Variants in LPP observed in about 807,000 individuals in gnomAD.
The protein encoded by LPP is LIM domain containing preferred translocation partner in lipoma, also known as lipoma-preferred partner.
LPP carries 38 observed loss-of-function variants against 60.4 expected under a neutral mutation model. That is an observed-to-expected ratio of 0.63 (90% CI 0.49 to 0.83). LPP has a LOEUF of 0.83. LPP is among the 40% of genes least tolerant of loss of function. LPP has a pLI of 0.00. For synonymous variants in LPP, 328 were observed against 290.8 expected (o/e 1.13, Z -1.30); for missense variants, 902 against 783.6 (o/e 1.15, Z -1.80).
chr3:188,672,754 C>T (rs6781944), intron 7 of LPP, among the ~76,000 whole-genome samples: 11,588 of 152,226 alleles, frequency 0.076, 1,026 homozygotes, highest in African/African-American at 0.21. Context: ...GTTCCCTTCT[C>T]TCCACTGCTT....
intron 4 of LPP, among the ~76,000 whole-genome samples, chr3:188,441,556 C>G (rs1578914337): frequency 6.6e-6 from 1 of 150,722 alleles, no homozygotes; most frequent in Non-Finnish European, 1.5e-5. Context: ...CTCAAATCCC[C>G]CTAAAGTTTT....
At chr3:188,635,183 G>C (rs1202054416) in intron 7 of LPP, among the ~76,000 whole-genome samples, 2 of 152,128 alleles carry the variant, frequency 1.3e-5, no homozygotes, top group African/African-American at 4.8e-5. Context: ...TAGACATTTA[G>C]GAGAACGATT....
intron 4 of LPP, among the ~76,000 whole-genome samples, chr3:188,417,628 A>G (rs890353905): frequency 1.3e-5 from 2 of 152,182 alleles, no homozygotes; most frequent in African/African-American, 4.8e-5. Flanking sequence ...AAATAGCTCC[A>G]GGAAGTTAGG....
intron 9 of LPP, among the ~76,000 whole-genome samples, chr3:188,807,168 C>T (rs1749413978): frequency 6.6e-6 from 1 of 151,838 alleles, no homozygotes; most frequent in Non-Finnish European, 1.5e-5. Context: ...TCATTGTTTT[C>T]TCACTTGCAT....
At chr3:188,238,942 A>AT (rs1722861857) in intron 2 of LPP, among the ~76,000 whole-genome samples, 1 of 152,262 alleles carries the variant, frequency 6.6e-6, no homozygotes, top group African/African-American at 2.4e-5. Context: ...CAATAAAACA[A>AT]GATATGCCTT....
chr3:188,490,747 TGGAA>T (rs1808090683), intron 5 of LPP, among the ~76,000 whole-genome samples: 1 of 130,888 alleles, frequency 7.6e-6, no homozygotes, highest in Non-Finnish European at 1.6e-5. Context: ...AAACTGGCAC[TGGAA>T]TTTTTTTTTT....
intron 7 of LPP, among the ~76,000 whole-genome samples, chr3:188,684,400 A>G (rs1860203427): frequency 6.6e-6 from 1 of 152,218 alleles, no homozygotes; most frequent in Admixed American, 6.5e-5. Flanking sequence ...ATTATGAAAC[A>G]CCTATGTTCA....
intron 9 of LPP, among the ~76,000 whole-genome samples, chr3:188,834,160 TTGTC>T (rs1396985502): frequency 6.6e-6 from 1 of 152,072 alleles, no homozygotes; most frequent in Non-Finnish European, 1.5e-5. Flanking sequence ...ATGTTTTCCT[TTGTC>T]TGTGCACACT....
At chr3:188,691,720 T>TAGC (rs1383376548) in intron 7 of LPP, among the ~76,000 whole-genome samples, 1 of 152,242 alleles carries the variant, frequency 6.6e-6, no homozygotes, top group Non-Finnish European at 1.5e-5. Context: ...CATAGAACTC[T>TAGC]AGCAGCCAGG....
intron 9 of LPP, among the ~76,000 whole-genome samples, chr3:188,843,912 C>G (rs1387966231): frequency 1.3e-5 from 2 of 151,858 alleles, no homozygotes; most frequent in Non-Finnish European, 2.9e-5. Context: ...TTCTGGTCCT[C>G]TTCCTCTCTC....
chr3:188,434,056 A>G (rs915048963), intron 4 of LPP, among the ~76,000 whole-genome samples: 4 of 152,174 alleles, frequency 2.6e-5, no homozygotes, highest in African/African-American at 7.2e-5. Flanking sequence ...GAGAAGTAAT[A>G]GGAAGACGAA....
intron 6 of LPP, among the ~76,000 whole-genome samples, chr3:188,530,392 G>C (rs1419809339): frequency 6.6e-6 from 1 of 152,226 alleles, no homozygotes; most frequent in African/African-American, 2.4e-5. Flanking sequence ...AAATGTGTTT[G>C]TCAGGGAGTA....
chr3:188,759,450 T>C (rs1731416261), intron 8 of LPP: 1 of 152,304 alleles, frequency 6.6e-6, no homozygotes, highest in African/African-American at 2.4e-5. Context: ...TTAAAGGATG[T>C]CAAGTCCAAG....
chr3:188,627,860 C>A (rs1164427826), intron 7 of LPP, among the ~76,000 whole-genome samples: 1 of 152,056 alleles, frequency 6.6e-6, no homozygotes, highest in Non-Finnish European at 1.5e-5. Context: ...ACTACACACC[C>A]ATTCATAAAG....
At chr3:188,873,444 A>G (rs1165612565) in intron 11 of LPP, among the ~76,000 whole-genome samples, 1 of 152,182 alleles carries the variant, frequency 6.6e-6, no homozygotes, top group Non-Finnish European at 1.5e-5. Context: ...ATGAAGTACT[A>G]TGTATTTATT....
At chr3:188,173,538 C>G (rs998021203) in intron 1 of LPP, among the ~76,000 whole-genome samples, 1 of 151,578 alleles carries the variant, frequency 6.6e-6, no homozygotes, top group African/African-American at 2.4e-5. Flanking sequence ...ACAAAAAAAA[C>G]CAACCTGGGC....
At position 188,554,538 on chromosome 3, in the gene LPP, C is replaced by T. The variant is rs867922480; in HGVS notation, c.429+29751C>T. Among the ~76,000 whole-genome samples, 51 of 152,284 alleles carry T rather than the reference C, an allele frequency of 3.3e-4. No individual in the cohort carries two copies. In the Middle Eastern group the frequency reaches 0.01, roughly 30 times the overall value. ...GTTTGTCTGAAGGTTTGCAGCAGATCAGTGGCTCTGCCAAGCCTGCAACTA... is the reference window on the plus strand; with the variant it reads ...GTTTGTCTGAAGGTTTGCAGCAGATTAGTGGCTCTGCCAAGCCTGCAACTA... On this transcript the variant is annotated intron_variant, in intron 6 of 11. Transcript: ENST00000617246.
In LPP at chr3:188,270,889, G is replaced by A. The variant is rs543249107; in HGVS notation, c.-67+45362G>A. Among the ~76,000 whole-genome samples, 7 of 152,296 alleles carry A rather than the reference G, an allele frequency of 4.6e-5. No homozygotes were observed. The South Asian group carries it at 1.5e-3, about 32-fold the overall frequency. On this transcript the variant is annotated intron_variant, in intron 2 of 11. Transcript: ENST00000617246. ...ATTGTTCTTGCAGTCAGCAGACATG[G>A]GTTCTCAGCCCAACTCCACTGCCAC...
chr3:188,518,004 A>G (rs1817874977), intron 5 of LPP, among the ~76,000 whole-genome samples: 1 of 152,062 alleles, frequency 6.6e-6, no homozygotes, highest in Non-Finnish European at 1.5e-5. Context: ...ACCATATGAC[A>G]TGCTGCCTCC....
Sources: gnomAD v4.1 joint callset for allele counts (sites outside exome capture counted in the v4.1 genomes callset) on GRCh38, gnomAD v4.1.1 for gene constraint, MANE v1.5 for transcripts, NCBI Gene and HGNC (gene_info 2026-07-23, HGNC 2026-07-21) for gene names.